The following CYP7B1 variants were observed in gnomAD, a reference collection of about 807,000 sequenced individuals.
CYP7B1 encodes the protein cytochrome P450 family 7 subfamily B member 1, also known as cytochrome P450 7B1.
Under a neutral mutation model 42.7 loss-of-function variants are expected in CYP7B1, and 29 were observed. The ratio of observed to expected loss-of-function variants is 0.68; its 90% confidence interval spans 0.51 to 0.93. CYP7B1 has a LOEUF of 0.93. CYP7B1 is among the 40% of genes least tolerant of loss of function. The pLI, the probability that CYP7B1 is intolerant of heterozygous loss-of-function variation, is 0.00. For missense variants in CYP7B1, 655 were observed against 600.5 expected (o/e 1.09, Z -0.95); for synonymous variants, 235 against 218.2 (o/e 1.08, Z -0.68).
chr8:64,736,752 A>AT (rs1337322295), intron 1 of CYP7B1, among the ~76,000 whole-genome samples: 6 of 151,558 alleles, frequency 4.0e-5, no homozygotes, highest in Non-Finnish European at 7.4e-5. Context: ...CCTGGGCTGA[A>AT]TTTTTTTTTA....
intron 1 of CYP7B1, among the ~76,000 whole-genome samples, chr8:64,782,079 A>T (rs1804434237): frequency 6.6e-6 from 1 of 152,126 alleles, no homozygotes; most frequent in African/African-American, 2.4e-5. Flanking sequence ...CATTTGTATT[A>T]GAGTAGAGCT....
chr8:64,687,551 TATG>T (rs1272940031), intron 1 of CYP7B1, among the ~76,000 whole-genome samples: 1 of 152,188 alleles, frequency 6.6e-6, no homozygotes, highest in Non-Finnish European at 1.5e-5. Context: ...GTGTGGATTT[TATG>T]ATGTGTGAAT....
In CYP7B1 at chr8:64,773,631, T is replaced by C. The variant is rs769181907; in HGVS notation, c.122+24835A>G. ...CTTGTTGAATAACCCAGTGCCTCAG[T>C]CCATTTTCTGTTGCTATAACAGAAT... is the stretch of plus-strand genomic sequence containing the variant. On this transcript the variant is annotated intron_variant, in intron 1 of 5. Transcript: ENST00000310193. Among the ~76,000 whole-genome samples the C allele has an allele frequency of 1.6e-4, 24 of 152,330 alleles. No individual in the cohort carries two copies. The South Asian group carries it at 2.1e-3, about 13-fold the overall frequency.
At chr8:64,792,231 AT>A (rs988529580) in intron 1 of CYP7B1, among the ~76,000 whole-genome samples, 6 of 152,124 alleles carry the variant, frequency 3.9e-5, no homozygotes, top group African/African-American at 1.2e-4. Flanking sequence ...GTTAGCTTAA[AT>A]TTTTTTCTCA....
At chr8:64,634,991 G>A (rs994461570) in intron 1 of CYP7B1, among the ~76,000 whole-genome samples, 3 of 152,182 alleles carry the variant, frequency 2.0e-5, no homozygotes, top group Admixed American at 6.5e-5. Context: ...CAGTGCAGCT[G>A]TTGGACTTGA....
chr8:64,650,627 G>A (rs1419360064), intron 1 of CYP7B1, among the ~76,000 whole-genome samples: 3 of 152,170 alleles, frequency 2.0e-5, no homozygotes, highest in African/African-American at 7.2e-5. Flanking sequence ...CATCCTGGGT[G>A]ATAGAGCAAG....
chr8:64,706,876 C>T (rs1807007433), intron 1 of CYP7B1, among the ~76,000 whole-genome samples: 1 of 151,940 alleles, frequency 6.6e-6, no homozygotes, highest in Admixed American at 6.6e-5. Context: ...AAAAGATTAT[C>T]ATCAGCTTAA....
At chr8:64,775,548 T>C (rs1257805348) in intron 1 of CYP7B1, among the ~76,000 whole-genome samples, 1 of 152,188 alleles carries the variant, frequency 6.6e-6, no homozygotes, top group African/African-American at 2.4e-5. Context: ...CAGACATTTT[T>C]CTAGGTGCTG....
intron 1 of CYP7B1, among the ~76,000 whole-genome samples, chr8:64,651,315 A>G (rs1806035248): frequency 6.6e-6 from 1 of 152,248 alleles, no homozygotes; most frequent in Non-Finnish European, 1.5e-5. Flanking sequence ...AGCTCTTTCA[A>G]TAAAACAAAA....
intron 1 of CYP7B1, among the ~76,000 whole-genome samples, chr8:64,700,089 A>T (rs1806890638): frequency 6.6e-6 from 1 of 152,142 alleles, no homozygotes; most frequent in Non-Finnish European, 1.5e-5. Context: ...GTGCATATAT[A>T]CTGAGCAGAC....
At chr8:64,654,044 A>G (rs563192499) in intron 1 of CYP7B1, among the ~76,000 whole-genome samples, 39 of 152,340 alleles carry the variant, frequency 2.6e-4, no homozygotes, top group African/African-American at 7.2e-4. Flanking sequence ...GCCATCTATG[A>G]CCAACCTACA....
At chr8:64,764,185 T>C (rs1282782351) in intron 1 of CYP7B1, among the ~76,000 whole-genome samples, 3 of 151,936 alleles carry the variant, frequency 2.0e-5, no homozygotes, top group Non-Finnish European at 4.4e-5. Context: ...TCTCCCATTG[T>C]GTAAGATGCT....
chr8:64,749,163 C>T (rs936358604), intron 1 of CYP7B1, among the ~76,000 whole-genome samples: 3 of 152,008 alleles, frequency 2.0e-5, no homozygotes, highest in African/African-American at 7.3e-5. Context: ...TCACTGCAAC[C>T]TCTGCCTCCT....
chr8:64,787,194 C>A (rs540576833), intron 1 of CYP7B1, among the ~76,000 whole-genome samples: 19 of 152,312 alleles, frequency 1.2e-4, no homozygotes, highest in African/African-American at 4.6e-4. Flanking sequence ...TTCAGCTCCT[C>A]CTTACTTATG....
intron 1 of CYP7B1, among the ~76,000 whole-genome samples, chr8:64,632,409 G>A (rs1220095110): frequency 6.6e-6 from 1 of 152,098 alleles, no homozygotes; most frequent in East Asian, 1.9e-4. Context: ...GTTACTAGGG[G>A]CTGGGGAGAG....
intron 1 of CYP7B1, among the ~76,000 whole-genome samples, chr8:64,796,820 T>G (rs1804709583): frequency 6.6e-6 from 1 of 152,246 alleles, no homozygotes. Context: ...TCATGCATAT[T>G]AGCATAAGCT....
At chr8:64,753,930 G>C (rs1307966478) in intron 1 of CYP7B1, among the ~76,000 whole-genome samples, 1 of 152,204 alleles carries the variant, frequency 6.6e-6, no homozygotes, top group Non-Finnish European at 1.5e-5. Context: ...AGTGTGGTTG[G>C]TGCTCATACA....
At chr8:64,772,086 A>G (rs2129645232) in intron 1 of CYP7B1, among the ~76,000 whole-genome samples, 1 of 152,334 alleles carries the variant, frequency 6.6e-6, no homozygotes, top group Middle Eastern at 3.4e-3. Flanking sequence ...AAGCAATCTG[A>G]AGAGAATTTT....
chr8:64,620,786 C>T (rs1342913791), intron 2 of CYP7B1, among the ~76,000 whole-genome samples: 2 of 152,192 alleles, frequency 1.3e-5, no homozygotes, highest in African/African-American at 4.8e-5. Context: ...GTATCGTGCA[C>T]ATTTAACTGG....
Sources: allele counts gnomAD v4.1 joint callset (sites outside exome capture counted in the v4.1 genomes callset), GRCh38; gene constraint gnomAD v4.1.1; transcripts MANE v1.5; gene names NCBI Gene and HGNC (gene_info 2026-07-23, HGNC 2026-07-21).